The following PCDHGB2 variants were observed in gnomAD, a reference collection of about 807,000 sequenced individuals.
The protein encoded by PCDHGB2 is protocadherin gamma subfamily B, 2, also known as protocadherin gamma-B2.
In PCDHGB2, 55 loss-of-function variants were observed where a neutral mutation model predicts 59.3. The observed-to-expected ratio is 0.93, with a 90% CI of 0.75 to 1.16. The LOEUF (loss-of-function observed/expected upper bound fraction) is 1.16, where lower values mean the gene tolerates loss of function less well. Among genes scored for constraint, PCDHGB2 ranks in the 50% most tolerant of loss-of-function variants. The pLI is 0.00. For synonymous variants in PCDHGB2, 516 were observed against 512.0 expected (o/e 1.01, Z -0.11); for missense variants, 1,228 against 1,198.5 (o/e 1.02, Z -0.36).
chr5:141,492,471 C>T (rs937691695), intron 1 of PCDHGB2, among the ~76,000 whole-genome samples: 8 of 152,240 alleles, frequency 5.3e-5, no homozygotes, highest in Non-Finnish European at 1.0e-4. Flanking sequence ...GGTCCCAGAT[C>T]GCGGCCGCCC....
At chr5:141,458,132 G>C (rs2098938269) in intron 1 of PCDHGB2, among the ~76,000 whole-genome samples, 1 of 152,218 alleles carries the variant, frequency 6.6e-6, no homozygotes, top group South Asian at 2.1e-4. Flanking sequence ...GAACCAGGCA[G>C]AGAAAAATGA....
intron 1 of PCDHGB2, chr5:141,374,228 G>T (rs776875063): frequency 6.2e-7 from 1 of 1,613,990 alleles, no homozygotes; most frequent in Non-Finnish European, 8.5e-7. Flanking sequence ...AGGCAACATC[G>T]TCAAGGATCT....
chr5:141,487,123 T>C lies in PCDHGB2; in HGVS notation c.2422-7684T>C. 6.2e-7 allele frequency: 1 copy of C among 1,614,086 alleles called. No homozygotes were observed. The highest frequency in any genetic ancestry group is 1.1e-5 in the South Asian group (1 of 91,082). On this transcript the variant is annotated intron_variant, in intron 1 of 3. Coordinates refer to ENST00000522605, the MANE Select transcript of PCDHGB2 (RefSeq NM_018923.3). The surrounding 1 kb of genome is among the most constrained non-coding windows in gnomAD (Gnocchi z 5.0). ...AGCTGGTCATTGTGGTAAAGGATAG[T>C]GGTAGTCCACCACTCTCTACCTCTG...
Position 141,361,453 on chromosome 5 carries a change from C to G in PCDHGB2, c.1318C>G (p.Leu440Val), listed in dbSNP as rs758759325. Residue 440 changes from leucine (L) to valine (V), a missense_variant, in exon 1 of 4, where the codon CTG becomes GTG. Around this residue, in one of 3 missense-constraint regions of PCDHGB2, gnomAD observed 781 missense variants for 721.6 expected, o/e 1.08. Transcript: ENST00000522605. ...PPLSSSIIVT[L>V]HISDVNDNAP... The stretch of plus-strand genomic sequence containing the variant: ...CCTCTCCTCCAGCATAATTGTCACC[C>G]TGCACATCTCCGACGTCAACGATAA... 1.2e-6 allele frequency: 2 copies of G among 1,614,046 alleles called. No individual in the cohort carries two copies. Among genetic ancestry groups the G allele is most frequent in the Non-Finnish European group, 1.7e-6 (2 of 1,179,898 alleles).
intron 1 of PCDHGB2, chr5:141,371,522 T>C: frequency 3.1e-6 from 5 of 1,613,848 alleles, no homozygotes; most frequent in Non-Finnish European, 4.2e-6. Context: ...ATCTAGATTC[T>C]GGATTTAATG....
chr5:141,438,319 T>C (rs934592523), intron 1 of PCDHGB2, among the ~76,000 whole-genome samples: 1 of 151,982 alleles, frequency 6.6e-6, no homozygotes, highest in African/African-American at 2.4e-5. Flanking sequence ...CACCATAATT[T>C]TTCTTATACA....
intron 1 of PCDHGB2, chr5:141,364,946 A>G (rs1467919510): frequency 1.2e-6 from 2 of 1,613,848 alleles, no homozygotes; most frequent in East Asian, 4.5e-5. Flanking sequence ...CGAGAAAGAG[A>G]CTGTTCACGA....
In PCDHGB2 at chr5:141,361,833, G is replaced by T. The variant is rs376471858; in HGVS notation, c.1698G>T (p.Ala566=). ...NDNAPRVLYP[A]LGPDGSALFD... is the part of the protein sequence containing the mutation. ...ATGCGCCACGGGTGCTGTACCCCGC[G>T]CTGGGGCCTGATGGCTCCGCCCTCT... The change falls in exon 1 of 4, where the codon GCG becomes GCT. Residue 566 remains alanine, a synonymous_variant. Transcript: ENST00000522605. 2.5e-6 allele frequency: 4 copies of T among 1,612,898 alleles called. No homozygotes were observed. The highest frequency in any genetic ancestry group is 3.4e-6 in the Non-Finnish European group (4 of 1,179,728).
intron 1 of PCDHGB2, among the ~76,000 whole-genome samples, chr5:141,450,572 T>C (rs1276283357): frequency 6.6e-6 from 1 of 151,710 alleles, no homozygotes; most frequent in Non-Finnish European, 1.5e-5. Context: ...CTGCAACTTC[T>C]GCCTCCCAGG....
chr5:141,488,502 C>T (rs989368385), intron 1 of PCDHGB2, among the ~76,000 whole-genome samples: 2 of 152,146 alleles, frequency 1.3e-5, no homozygotes, highest in Non-Finnish European at 2.9e-5. Context: ...ACACTCATTC[C>T]ACATTTGGGG....
intron 1 of PCDHGB2, chr5:141,418,463 C>A (rs1046926260): frequency 1.2e-6 from 2 of 1,613,826 alleles, no homozygotes; most frequent in Non-Finnish European, 1.7e-6. Context: ...GACTCTGGAC[C>A]GAGAAACGCA....
intron 1 of PCDHGB2, chr5:141,376,448 G>A: frequency 6.2e-7 from 1 of 1,614,174 alleles, no homozygotes. Context: ...TGAGAAAAGC[G>A]AGCCTCTTCT....
At chr5:141,424,772 G>A (rs2096839878) in intron 1 of PCDHGB2, 1 of 152,086 alleles carries the variant, frequency 6.6e-6, no homozygotes, top group Non-Finnish European at 1.5e-5. Flanking sequence ...ATGGCAAATA[G>A]TACATTCAGT....
At chr5:141,375,421 C>A in intron 1 of PCDHGB2, 1 of 1,613,998 alleles carries the variant, frequency 6.2e-7, no homozygotes, top group African/African-American at 1.3e-5. Context: ...CAGACACCAA[C>A]GACAACCCGC....
At chr5:141,444,599 A>G (rs373366708) in intron 1 of PCDHGB2, among the ~76,000 whole-genome samples, 2 of 152,108 alleles carry the variant, frequency 1.3e-5, no homozygotes, top group African/African-American at 2.4e-5. Flanking sequence ...CCTTATTTAA[A>G]ATTGATTTTT....
chr5:141,487,684 C>G lies in PCDHGB2; in HGVS notation c.2422-7123C>G. On this transcript the variant is annotated intron_variant, in intron 1 of 3. Coordinates refer to ENST00000522605, the MANE Select transcript of PCDHGB2 (RefSeq NM_018923.3). The surrounding 1 kb of genome is among the most constrained non-coding windows in gnomAD (Gnocchi z 5.0). ...ATCCAGGCATATGGCTAGGCCATGT[C>G]CTAGAGAGTACTGGCCTCTCAGTAA... is the stretch of plus-strand genomic sequence containing the variant. The G allele has an allele frequency of 6.2e-7, 1 of 1,607,562 alleles. No individual in the cohort carries two copies. Among genetic ancestry groups the G allele is most frequent in the East Asian group, 2.2e-5 (1 of 44,768 alleles).
At position 141,419,312 on chromosome 5, in the gene PCDHGB2, G is replaced by C. The variant is rs35892780; in HGVS notation, c.2421+56756G>C. On this transcript the variant is annotated intron_variant, in intron 1 of 3. Transcript: ENST00000522605. ...CTCTGACCCAGACTTCGGGCTCAAC[G>C]GCCGTGTCTCCTACTCTCTCATTGC... 1.0e-3 allele frequency: 1,689 copies of C among 1,613,962 alleles called. 4 individuals are homozygous for C. Among genetic ancestry groups the C allele is most frequent in the Middle Eastern group, 5.3e-3 (32 of 6,062 alleles).
At chr5:141,484,453 C>T (rs1212059469) in intron 1 of PCDHGB2, among the ~76,000 whole-genome samples, 1 of 152,160 alleles carries the variant, frequency 6.6e-6, no homozygotes. Flanking sequence ...TAATTGGCTA[C>T]GTTAATGTGT....
At chr5:141,413,454 G>A (rs765318722) in intron 1 of PCDHGB2, 46 of 1,614,026 alleles carry the variant, frequency 2.9e-5, no homozygotes, top group Non-Finnish European at 3.7e-5. Flanking sequence ...CCGCGGGCAG[G>A]ATAGACCGGG....
Sources: allele counts gnomAD v4.1 joint callset (sites outside exome capture counted in the v4.1 genomes callset), GRCh38; gene constraint gnomAD v4.1.1; regional missense constraint gnomAD v4.1.1; non-coding constraint Gnocchi (gnomAD v3.1); transcripts MANE v1.5; gene names NCBI Gene and HGNC (gene_info 2026-07-23, HGNC 2026-07-21).